The following COL28A1 variants were observed in gnomAD, a reference collection of about 807,000 sequenced individuals.
COL28A1 encodes the protein collagen type XXVIII alpha 1 chain, also known as collagen alpha-1(XXVIII) chain.
Under a neutral mutation model 150.2 loss-of-function variants are expected in COL28A1, and 161 were observed. That is an observed-to-expected ratio of 1.07 (90% confidence interval 0.94 to 1.22). The LOEUF is 1.22. Ranked by LOEUF, COL28A1 falls within the 50% of genes most tolerant of loss-of-function variation. The pLI, the probability that COL28A1 is intolerant of heterozygous loss-of-function variation, is 0.00. For missense variants in COL28A1, 1,617 were observed against 1,388.3 expected, an observed-to-expected ratio of 1.16 and a Z score of -2.62; for synonymous variants, 552 against 469.7, an observed-to-expected ratio of 1.18 and a Z score of -2.26.
At chr7:7,478,498 A>G (rs1299593723) in intron 13 of COL28A1, among the ~76,000 whole-genome samples, 1 of 152,248 alleles carries the variant, frequency 6.6e-6, no homozygotes, top group Non-Finnish European at 1.5e-5. Context: ...TGGATCTCGC[A>G]TGGGCTCGCA....
intron 20 of COL28A1, among the ~76,000 whole-genome samples, chr7:7,441,153 G>A (rs1223048235): frequency 6.6e-6 from 1 of 152,042 alleles, no homozygotes; most frequent in Non-Finnish European, 1.5e-5. Context: ...TTCACCCTTG[G>A]TCTATTAACA....
In COL28A1 at chr7:7,460,199, T is replaced by C. The variant is rs185776873; in HGVS notation, c.1303-4087A>G. 4.6e-3 allele frequency among the ~76,000 whole-genome samples: 706 copies of C among 152,328 alleles called. 5 individuals are homozygous for C. Among genetic ancestry groups the C allele is most frequent in the East Asian group, 0.022 (115 of 5,190 alleles). ...TAGGTTCATCGTATGTGGTCTTCCT[T>C]CCTTCAGAGTCAACAAGCCTTGCTA... On this transcript the variant is annotated intron_variant, in intron 15 of 34. Coordinates refer to ENST00000399429, the MANE Select transcript of COL28A1 (RefSeq NM_001037763.3).
chr7:7,472,584 A>C (rs1390861027), intron 15 of COL28A1, among the ~76,000 whole-genome samples: 1 of 152,232 alleles, frequency 6.6e-6, no homozygotes, highest in Non-Finnish European at 1.5e-5. Context: ...ATATTGTGAC[A>C]ATGACCATAC....
chr7:7,513,775 G>A (rs912093580), intron 8 of COL28A1, among the ~76,000 whole-genome samples: 1 of 152,222 alleles, frequency 6.6e-6, no homozygotes, highest in Admixed American at 6.5e-5. Context: ...ATAGGGGCCT[G>A]AGGAACAGCA....
intron 8 of COL28A1, among the ~76,000 whole-genome samples, chr7:7,513,249 C>A (rs1489690822): frequency 1.3e-5 from 2 of 152,184 alleles, no homozygotes; most frequent in African/African-American, 4.8e-5. Flanking sequence ...TCTCCACTCA[C>A]AGATAAGCAA....
intron 13 of COL28A1, among the ~76,000 whole-genome samples, chr7:7,487,549 G>A (rs1196960834): frequency 6.6e-6 from 1 of 152,142 alleles, no homozygotes; most frequent in Non-Finnish European, 1.5e-5. Context: ...CTGCCCTCCA[G>A]CCTGGGCGAC....
At chr7:7,485,090 A>T (rs1282677651) in intron 13 of COL28A1, among the ~76,000 whole-genome samples, 1 of 152,172 alleles carries the variant, frequency 6.6e-6, no homozygotes, top group Admixed American at 6.5e-5. Flanking sequence ...CAATTTACCT[A>T]TATAACAAAC....
rs1782385543 is a variant in COL28A1, at chr7:7,531,886, T to A, written c.143A>T (p.Asp48Val). 6.2e-7 allele frequency: 1 copy of A among 1,602,934 alleles called. No homozygotes were observed. Among genetic ancestry groups the A allele is most frequent in the African/African-American group, 1.3e-5 (1 of 74,598 alleles). The change falls in exon 3 of 35, where the codon GAT becomes GTT. Residue 48 changes from aspartate to valine, a missense_variant. By Grantham distance (152) the Asp-to-Val change is radical. Transcript: ENST00000399429. ...SDVQGSICFI[D>V]IVFIVDSSES... is the part of the protein sequence containing the mutation. ...AGAGCTGTCCACGATGAAGACAATA[T>A]CTATGAAACAAATGGAGCCTGAAAC...
At chr7:7,488,141 AGTTT>A (rs754502119) in intron 13 of COL28A1, among the ~76,000 whole-genome samples, 10 of 152,230 alleles carry the variant, frequency 6.6e-5, no homozygotes, top group Non-Finnish European at 1.5e-4. Flanking sequence ...GTCCTGAGGA[AGTTT>A]GTTAAGCAGA....
Position 7,477,123 on chromosome 7 carries a change from G to A in COL28A1, c.1222C>T (p.Pro408Ser). The change falls in exon 14 of 35, where the codon CCA (proline) becomes TCA (serine). Residue 408 changes from proline (P) to serine (S), a missense_variant. By Grantham distance (74) the Pro-to-Ser change is moderately conservative. Transcript: ENST00000399429. ...GAAGGTATTGTTACCTTTGGTCCTG[G>A]AAATCCTTCTCCGGGTAAGCCCCTC... ...GERGLPGEGF[P>S]GPKGEKGSEG... 7.9e-7 allele frequency: 1 copy of A among 1,263,952 alleles called. No individual in the cohort carries two copies. Among genetic ancestry groups the A allele is most frequent in the Non-Finnish European group, 1.2e-6 (1 of 859,720 alleles). 78.3% of individuals were successfully genotyped at this position (1,263,952 alleles called of 1,614,324 possible). A position where few individuals can be genotyped will look rare whatever the true frequency, so the allele number is the denominator to read the frequency against.
At chr7:7,406,300 C>T (rs907683903) in intron 27 of COL28A1, among the ~76,000 whole-genome samples, 1 of 152,164 alleles carries the variant, frequency 6.6e-6, no homozygotes, top group Non-Finnish European at 1.5e-5. Flanking sequence ...AACAGTATTA[C>T]TGCAGGTGGA....
At position 7,384,531 on chromosome 7, in the gene COL28A1, T is replaced by C. The variant is rs192175846; in HGVS notation, c.2137-2919A>G. On this transcript the variant is annotated intron_variant, in intron 27 of 34. Transcript: ENST00000399429. ...AACTTTGATGACAGTATATTGCTTATAGTTGTTCTATTTTATTATGTGTTT... is the reference window on the plus strand; with the variant it reads ...AACTTTGATGACAGTATATTGCTTACAGTTGTTCTATTTTATTATGTGTTT... Among the ~76,000 whole-genome samples, 60 of 152,344 alleles carry C rather than the reference T, an allele frequency of 3.9e-4. No individual in the cohort carries two copies. In the East Asian group the frequency reaches 0.011, roughly 29 times the overall value.
chr7:7,358,783 C>T lies in COL28A1; in HGVS notation c.3228G>A (p.Leu1076=), dbSNP rs113411777. 3.7e-6 allele frequency: 6 copies of T among 1,613,678 alleles called. No homozygotes were observed. The highest frequency in any genetic ancestry group is 1.3e-5 in the African/African-American group (1 of 74,998). Residue 1076 remains leucine, a synonymous_variant, in exon 35 of 35, where the codon TTG becomes TTA. Coordinates refer to ENST00000399429, the MANE Select transcript of COL28A1 (RefSeq NM_001037763.3). The stretch of plus-strand genomic sequence containing the variant: ...CATATTCACCACAGTTTCCAGGCTT[C>T]AAGGCTTCCAAACATCTAGGATCTA... ...GAEDPRCLEA[L]KPGNCGEYVV...
At chr7:7,477,223 A>G (rs758504802) in intron 13 of COL28A1, 43 bp from the exon 14 acceptor site, 1 of 871,014 alleles carries the variant, frequency 1.1e-6, no homozygotes, top group East Asian at 2.4e-5. Context: ...GGAGAGAGAA[A>G]AGGGAAAGAG....
At chr7:7,457,725 G>C (rs1183329776) in intron 15 of COL28A1, among the ~76,000 whole-genome samples, 1 of 152,232 alleles carries the variant, frequency 6.6e-6, no homozygotes, top group Non-Finnish European at 1.5e-5. Context: ...TGGAGACTGA[G>C]AAGGAAGCAG....
At chr7:7,340,004 T>C in the COL28A1 span, among the ~76,000 whole-genome samples, 26 of 152,252 alleles carry the variant, frequency 1.7e-4, no homozygotes, top group African/African-American at 6.0e-4. Context: ...GTTTTTGTTT[T>C]CATTGAGACA....
At chr7:7,471,382 A>T (rs1264623988) in intron 15 of COL28A1, among the ~76,000 whole-genome samples, 3 of 152,206 alleles carry the variant, frequency 2.0e-5, no homozygotes, top group East Asian at 3.9e-4. Flanking sequence ...AGCCAGTATC[A>T]TCCTAATACC....
At chr7:7,508,263 T>C (rs1249638668) in intron 9 of COL28A1, among the ~76,000 whole-genome samples, 1 of 151,882 alleles carries the variant, frequency 6.6e-6, no homozygotes, top group Non-Finnish European at 1.5e-5. Context: ...TTTTTCCATG[T>C]CATTAAAAAC....
intron 27 of COL28A1, among the ~76,000 whole-genome samples, chr7:7,415,571 T>C (rs1203312032): frequency 6.6e-6 from 1 of 152,202 alleles, no homozygotes; most frequent in East Asian, 1.9e-4. Flanking sequence ...TCTAACTCTG[T>C]TGCCCAGGCA....
Sources: allele counts gnomAD v4.1 joint callset (sites outside exome capture counted in the v4.1 genomes callset), GRCh38; gene constraint gnomAD v4.1.1; transcripts MANE v1.5; gene names NCBI Gene and HGNC (gene_info 2026-07-23, HGNC 2026-07-21).